SEPTIN9: variants seen among roughly 807,000 people sequenced by gnomAD.
SEPTIN9 encodes septin-9.
Under a neutral mutation model 56.6 loss-of-function variants are expected in SEPTIN9, and 13 were observed. The observed-to-expected ratio is 0.23, with a 90% CI of 0.15 to 0.37. SEPTIN9 has a LOEUF of 0.37. Ranked by LOEUF, SEPTIN9 falls within the 10% of genes least tolerant of loss-of-function variation. The pLI is 1.00. For synonymous variants in SEPTIN9, 332 were observed against 334.1 expected (o/e 0.99, Z 0.07); for missense variants, 650 against 823.1 (o/e 0.79, Z 2.57).
chr17:77,455,323 C>T (rs1407501625), intron 3 of SEPTIN9, among the ~76,000 whole-genome samples: 1 of 152,180 alleles, frequency 6.6e-6, no homozygotes, highest in Non-Finnish European at 1.5e-5. Flanking sequence ...GGAAGGGGGC[C>T]CTTCGCTCTC....
rs1054624044 is a variant in SEPTIN9, at chr17:77,436,769, G to T, written c.721+34066G>T. Among the ~76,000 whole-genome samples, 4 of 152,260 alleles carry T rather than the reference G, an allele frequency of 2.6e-5. No homozygotes were observed. The highest frequency in any genetic ancestry group is 5.9e-5 in the Non-Finnish European group (4 of 68,050). Reference sequence around the variant, plus strand: ...CTGGGAGTGACTGAAAGTCCTTGGGGGTTCCTGCAGGGTGAGCTGCCCATT... The same window carrying T: ...CTGGGAGTGACTGAAAGTCCTTGGGTGTTCCTGCAGGGTGAGCTGCCCATT... On this transcript the variant is annotated intron_variant, in intron 3 of 11. Coordinates refer to ENST00000427177, the MANE Select transcript of SEPTIN9 (RefSeq NM_001113491.2). The surrounding 1 kb of genome is among the most constrained non-coding windows in gnomAD (Gnocchi z 4.4).
rs1287344885 is a variant in SEPTIN9, at chr17:77,319,198, CAGAG to C, written c.76+12004_76+12007del. 6.6e-6 allele frequency among the ~76,000 whole-genome samples: 1 copy of C among 152,196 alleles called. No individual in the cohort carries two copies. Among genetic ancestry groups the C allele is most frequent in the Non-Finnish European group, 1.5e-5 (1 of 68,030 alleles). On this transcript the variant is annotated intron_variant, in intron 2 of 11. Transcript: ENST00000427177. The surrounding 1 kb of genome is among the most constrained non-coding windows in gnomAD (Gnocchi z 5.3). The stretch of plus-strand genomic sequence containing the variant: ...GAACCCTTGAGGTGAAGCTTAAAGA[CAGAG>C]AGGATGCCCCTGATTCCCACCCCAG...
rs1480792125 is a variant in SEPTIN9, at chr17:77,498,886, G to T, written c.*228G>T. The T allele has an allele frequency of 1.7e-6, 1 of 599,670 alleles. No homozygotes were observed. Among genetic ancestry groups the T allele is most frequent in the South Asian group, 1.5e-5 (1 of 65,768 alleles). The allele number at this position is 599,670 out of a possible 1,614,324, so 37.1% of individuals were successfully genotyped here. On this transcript the variant is annotated 3_prime_UTR_variant, in exon 12 of 12. Coordinates refer to ENST00000427177, the MANE Select transcript of SEPTIN9 (RefSeq NM_001113491.2). The stretch of plus-strand genomic sequence containing the variant: ...GGAGGCTGCACTGGAGCCACAGGCA[G>T]GGGTGAGAGCACCCACTGAATTGAC...
chr17:77,418,618 C>T (rs1254114551), intron 3 of SEPTIN9, among the ~76,000 whole-genome samples: 2 of 151,942 alleles, frequency 1.3e-5, no homozygotes, highest in South Asian at 4.1e-4. Context: ...GCTGGGATTA[C>T]AGGTGTGAGC....
rs574170831 is a variant in SEPTIN9, at chr17:77,372,096, A to T, written c.77-29963A>T. 2.0e-5 allele frequency among the ~76,000 whole-genome samples: 3 copies of T among 152,132 alleles called. No homozygotes were observed. In the East Asian group the frequency reaches 5.8e-4, roughly 29 times the overall value. On this transcript the variant is annotated intron_variant, in intron 2 of 11. Transcript: ENST00000427177. ...CCCGGCCACACATTCAAGGGACCGGAGTGCAGTTGTAGCGTTGCGGCCTGC... is the reference window on the plus strand; with the variant it reads ...CCCGGCCACACATTCAAGGGACCGGTGTGCAGTTGTAGCGTTGCGGCCTGC...
chr17:77,303,315 G>C (rs1315125393), intron 1 of SEPTIN9, among the ~76,000 whole-genome samples: 1 of 151,460 alleles, frequency 6.6e-6, no homozygotes, highest in African/African-American at 2.4e-5. Flanking sequence ...TGGTCAGGCT[G>C]GTCTCGAACT....
chr17:77,351,099 A>G (rs16967347), intron 2 of SEPTIN9, among the ~76,000 whole-genome samples: 29,405 of 151,730 alleles, frequency 0.19, 3,059 homozygotes, highest in East Asian at 0.28. Flanking sequence ...GCACTTGCAC[A>G]TGTGTACACA....
chr17:77,448,924 C>T (rs1394053284), intron 3 of SEPTIN9, among the ~76,000 whole-genome samples: 1 of 152,042 alleles, frequency 6.6e-6, no homozygotes, highest in African/African-American at 2.4e-5. Flanking sequence ...GCTGGGATTA[C>T]AGGTGGCTGC....
intron 3 of SEPTIN9, among the ~76,000 whole-genome samples, chr17:77,411,381 G>C (rs184512016): frequency 2.0e-5 from 3 of 149,108 alleles, no homozygotes; most frequent in Admixed American, 6.9e-5. Context: ...GATGTAGCAC[G>C]TTCCTTTTTC....
intron 2 of SEPTIN9, among the ~76,000 whole-genome samples, chr17:77,353,210 G>A (rs1433720492): frequency 6.6e-6 from 1 of 152,190 alleles, no homozygotes; most frequent in Non-Finnish European, 1.5e-5. Context: ...CGTGGCAAGA[G>A]GGCTTGTGTT....
chr17:77,429,380 G>C lies in SEPTIN9; in HGVS notation c.721+26677G>C, dbSNP rs2144269384. ...GCTGGCTCTCGCAGGTTGCAAAATG[G>C]GGACATCACCGTCCGCCTGGGCTAC... On this transcript the variant is annotated intron_variant, in intron 3 of 11. Transcript: ENST00000427177. This position sits in a 1 kb window ranked among gnomAD's most constrained non-coding sequence, Gnocchi z 5.2. 2.3e-6 allele frequency: 1 copy of C among 432,784 alleles called. No individual in the cohort carries two copies. The highest frequency in any genetic ancestry group is 1.7e-5 in the South Asian group (1 of 58,526). 26.8% of individuals were successfully genotyped at this position (432,784 alleles called of 1,614,324 possible). A position where few individuals can be genotyped will look rare whatever the true frequency, so the allele number is the denominator to read the frequency against.
At chr17:77,368,532 G>GA (rs1342066733) in intron 2 of SEPTIN9, among the ~76,000 whole-genome samples, 1 of 152,102 alleles carries the variant, frequency 6.6e-6, no homozygotes, top group African/African-American at 2.4e-5. Context: ...GGCTGGTCTT[G>GA]AACTCCTGAC....
Position 77,436,235 on chromosome 17 carries a change from GA to G in SEPTIN9, c.721+33534del, listed in dbSNP as rs1364691365. ...TCCAGCTTTCCCAGGGAAAGGGCAG[GA>G]ACAGAGAGGCCTTATCTTCAGAGGA... is the stretch of plus-strand genomic sequence containing the variant. On this transcript the variant is annotated intron_variant, in intron 3 of 11. Coordinates refer to ENST00000427177, the MANE Select transcript of SEPTIN9 (RefSeq NM_001113491.2). This position sits in a 1 kb window ranked among gnomAD's most constrained non-coding sequence, Gnocchi z 4.4. Among the ~76,000 whole-genome samples the G allele has an allele frequency of 6.6e-6, 1 of 152,146 alleles. No individual in the cohort carries two copies. The highest frequency in any genetic ancestry group is 2.1e-4 in the South Asian group (1 of 4,824).
At chr17:77,304,791 G>A (rs2032195432) in intron 1 of SEPTIN9, among the ~76,000 whole-genome samples, 1 of 152,176 alleles carries the variant, frequency 6.6e-6, no homozygotes, top group Admixed American at 6.5e-5. Flanking sequence ...TGTGTGCGTG[G>A]GGATGTGTGG....
chr17:77,381,183 C>A (rs1401047118), intron 2 of SEPTIN9, among the ~76,000 whole-genome samples: 2 of 152,204 alleles, frequency 1.3e-5, no homozygotes, highest in Admixed American at 1.3e-4. Context: ...AGATAGACCC[C>A]CTTCCTGTAT....
chr17:77,461,180 C>A (rs1434969215), intron 3 of SEPTIN9, among the ~76,000 whole-genome samples: 2 of 152,018 alleles, frequency 1.3e-5, no homozygotes, highest in South Asian at 4.2e-4. Context: ...GTGGCACGTG[C>A]CTGTAATCCC....
In SEPTIN9 at chr17:77,434,200, G is replaced by A. The variant is rs894422041; in HGVS notation, c.721+31497G>A. Among the ~76,000 whole-genome samples the A allele has an allele frequency of 1.8e-4, 27 of 152,120 alleles. No individual in the cohort carries two copies. Among genetic ancestry groups the A allele is most frequent in the Non-Finnish European group, 3.4e-4 (23 of 68,004 alleles). On this transcript the variant is annotated intron_variant, in intron 3 of 11. Transcript: ENST00000427177. The surrounding 1 kb of genome is among the most constrained non-coding windows in gnomAD (Gnocchi z 5.0). ...AACCTTGCTTTGGCCTGCTGTCTGCGGAAAGTGCCCTAGGATACGGTGGCA... is the reference window on the plus strand; with the variant it reads ...AACCTTGCTTTGGCCTGCTGTCTGCAGAAAGTGCCCTAGGATACGGTGGCA...
At chr17:77,356,966 C>T (rs1466085496) in intron 2 of SEPTIN9, among the ~76,000 whole-genome samples, 3 of 151,544 alleles carry the variant, frequency 2.0e-5, no homozygotes, top group African/African-American at 2.4e-5. Flanking sequence ...CTCAGGACAC[C>T]TGCCAGGTCA....
chr17:77,475,529 G>A lies in SEPTIN9; in HGVS notation c.722-6615G>A, dbSNP rs772618315. Reference sequence around the variant, plus strand: ...ACCTGAAGTGCCCCCATGGGCTCAAGTTTCTGGGAAGGCCTGCAGGTGGCC... The same window carrying A: ...ACCTGAAGTGCCCCCATGGGCTCAAATTTCTGGGAAGGCCTGCAGGTGGCC... On this transcript the variant is annotated intron_variant, in intron 3 of 11. Coordinates refer to ENST00000427177, the MANE Select transcript of SEPTIN9 (RefSeq NM_001113491.2). This position sits in a 1 kb window ranked among gnomAD's most constrained non-coding sequence, Gnocchi z 4.6. 3 of 1,611,772 alleles carry A rather than the reference G, an allele frequency of 1.9e-6. No individual in the cohort carries two copies. In the African/African-American group the frequency reaches 4.0e-5, roughly 22 times the overall value.
Sources: allele counts gnomAD v4.1 joint callset (sites outside exome capture counted in the v4.1 genomes callset), GRCh38; gene constraint gnomAD v4.1.1; non-coding constraint Gnocchi (gnomAD v3.1); transcripts MANE v1.5; gene names NCBI Gene and HGNC (gene_info 2026-07-23, HGNC 2026-07-21).